The following ADK variants were observed in gnomAD, a reference collection of about 807,000 sequenced individuals.
The protein encoded by ADK is adenosine kinase.
ADK carries 24 observed loss-of-function variants against 44.7 expected under a neutral mutation model. The ratio of observed to expected loss-of-function variants is 0.54; its 90% CI spans 0.39 to 0.76. The LOEUF is 0.76. Ranked by LOEUF, ADK falls within the 30% of genes least tolerant of loss-of-function variation. ADK has a pLI of 0.00. For synonymous variants in ADK, 128 were observed against 142.6 expected (o/e 0.90, Z 0.73); for missense variants, 321 against 425.1 (o/e 0.76, Z 2.15).
intron 6 of ADK, among the ~76,000 whole-genome samples, chr10:74,494,396 ATAT>A (rs1409144914): frequency 6.6e-6 from 1 of 152,156 alleles, no homozygotes; most frequent in Non-Finnish European, 1.5e-5. Context: ...AGCATAAATA[ATAT>A]TATACAGATG....
intron 10 of ADK, among the ~76,000 whole-genome samples, chr10:74,701,652 A>G (rs976617001): frequency 2.3e-4 from 35 of 152,232 alleles, no homozygotes; most frequent in African/African-American, 8.4e-4. Flanking sequence ...ATTGATTTAA[A>G]AAGAATTGTG....
intron 6 of ADK, among the ~76,000 whole-genome samples, chr10:74,500,447 AAC>A (rs1473225019): frequency 6.6e-6 from 1 of 152,150 alleles, no homozygotes; most frequent in Non-Finnish European, 1.5e-5. Context: ...GGCTTGGGAA[AAC>A]ACAGGTTGCT....
chr10:74,496,777 T>C (rs1847702497), intron 6 of ADK, among the ~76,000 whole-genome samples: 1 of 152,168 alleles, frequency 6.6e-6, no homozygotes, highest in South Asian at 2.1e-4. Context: ...CCAGAAATAC[T>C]ATCTTAAAAT....
At chr10:74,320,602 C>T (rs766649956) in intron 4 of ADK, among the ~76,000 whole-genome samples, 31 of 151,962 alleles carry the variant, frequency 2.0e-4, no homozygotes, top group Admixed American at 5.2e-4. Flanking sequence ...TTCTGGCATT[C>T]TCATAATTAA....
chr10:74,595,407 G>GATTCTCA lies in ADK; in HGVS notation c.763-4972_763-4971insATTCTCA, dbSNP rs371039424. ...TTTTTTTTTTTGGGGAGGGGGTTTG[G>GATTCTCA]CTTTGTCACGCCAGGCTGGAGTGCA... On this transcript the variant is annotated intron_variant, in intron 8 of 10. Coordinates refer to ENST00000539909, the MANE Select transcript of ADK (RefSeq NM_006721.4). 1.9e-5 allele frequency among the ~76,000 whole-genome samples: 2 copies of GATTCTCA among 107,806 alleles called. 1 individual carries two copies. Among genetic ancestry groups the GATTCTCA allele is most frequent in the Non-Finnish European group, 3.6e-5 (2 of 55,744 alleles). The allele number at this position is 107,806 out of a possible 152,430, so 70.7% of individuals were successfully genotyped here. A position where few individuals can be genotyped will look rare whatever the true frequency, so the allele number is the denominator to read the frequency against.
chr10:74,459,289 A>G (rs1433359003), intron 6 of ADK, among the ~76,000 whole-genome samples: 1 of 152,102 alleles, frequency 6.6e-6, no homozygotes, highest in African/African-American at 2.4e-5. Flanking sequence ...TCAAAAAAAA[A>G]AAAAATTTAT....
chr10:74,261,773 A>G (rs529215039), intron 3 of ADK, among the ~76,000 whole-genome samples: 60 of 151,534 alleles, frequency 4.0e-4, no homozygotes, highest in African/African-American at 1.3e-3. Context: ...TTCTCTTTGG[A>G]CATTCTTAGA....
chr10:74,365,534 G>A lies in ADK; in HGVS notation c.274-28607G>A, dbSNP rs1485959897. ...TTCATTCATCAATTGATGGACATTCGAGTTGTTTCTGCCTTTTGAATGCCT... is the reference window on the plus strand; with the variant it reads ...TTCATTCATCAATTGATGGACATTCAAGTTGTTTCTGCCTTTTGAATGCCT... On this transcript the variant is annotated intron_variant, in intron 4 of 10. Transcript: ENST00000539909. Among the ~76,000 whole-genome samples, 4 of 152,232 alleles carry A rather than the reference G, an allele frequency of 2.6e-5. No individual in the cohort carries two copies. The East Asian group carries it at 5.8e-4, about 22-fold the overall frequency.
At chr10:74,190,122 T>G (rs1338669325) in intron 1 of ADK, among the ~76,000 whole-genome samples, 1 of 152,230 alleles carries the variant, frequency 6.6e-6, no homozygotes, top group Non-Finnish European at 1.5e-5. Context: ...CTGGGGCATG[T>G]GGTAATTTTA....
chr10:74,541,800 C>CA (rs796857961), intron 7 of ADK, among the ~76,000 whole-genome samples: 1 of 134,568 alleles, frequency 7.4e-6, no homozygotes, highest in African/African-American at 2.8e-5. Flanking sequence ...ACACACCCCC[C>CA]CCCCCTAAAA....
At chr10:74,492,774 A>G (rs1847533882) in intron 6 of ADK, among the ~76,000 whole-genome samples, 1 of 152,016 alleles carries the variant, frequency 6.6e-6, no homozygotes, top group Non-Finnish European at 1.5e-5. Context: ...TATGGATATG[A>G]CCTATCCTTC....
intron 1 of ADK, among the ~76,000 whole-genome samples, chr10:74,174,121 G>A (rs377091258): frequency 1.3e-5 from 2 of 150,952 alleles, no homozygotes; most frequent in African/African-American, 4.9e-5. Context: ...TGGCCAACAC[G>A]GTGAAACCTT....
intron 7 of ADK, among the ~76,000 whole-genome samples, chr10:74,570,431 G>C (rs549786936): frequency 1.3e-5 from 2 of 152,162 alleles, no homozygotes; most frequent in South Asian, 4.1e-4. Context: ...CCATTTGTTT[G>C]TATCCTCTTT....
intron 2 of ADK, among the ~76,000 whole-genome samples, chr10:74,222,918 G>A (rs867929640): frequency 8.6e-5 from 13 of 151,832 alleles, no homozygotes; most frequent in Admixed American, 5.9e-4. Context: ...GCTAGATGAC[G>A]AGTTAGTGGG....
At chr10:74,359,579 A>T (rs888196916) in intron 4 of ADK, among the ~76,000 whole-genome samples, 1 of 152,024 alleles carries the variant, frequency 6.6e-6, no homozygotes, top group Admixed American at 6.5e-5. Context: ...GCATGGTAGC[A>T]TACACTTGTA....
chr10:74,463,475 G>T (rs1031912643), intron 6 of ADK, among the ~76,000 whole-genome samples: 1 of 152,202 alleles, frequency 6.6e-6, no homozygotes. Flanking sequence ...AATAGGGTTC[G>T]CACTCTAATG....
At chr10:74,368,161 G>T (rs895404315) in intron 4 of ADK, among the ~76,000 whole-genome samples, 2 of 152,206 alleles carry the variant, frequency 1.3e-5, no homozygotes, top group African/African-American at 4.8e-5. Context: ...AGAACCTGTT[G>T]TCTAGGTTGG....
chr10:74,340,990 A>C (rs993212713), intron 4 of ADK, among the ~76,000 whole-genome samples: 2 of 152,178 alleles, frequency 1.3e-5, no homozygotes, highest in African/African-American at 4.8e-5. Flanking sequence ...TATTAACTCT[A>C]TTCATTAGAC....
intron 1 of ADK, among the ~76,000 whole-genome samples, chr10:74,162,277 C>T (rs1841923279): frequency 6.6e-6 from 1 of 152,116 alleles, no homozygotes; most frequent in African/African-American, 2.4e-5. Flanking sequence ...CCTTGGCCTC[C>T]CAAAGTGCTG....
Sources: gnomAD v4.1 joint callset for allele counts (sites outside exome capture counted in the v4.1 genomes callset) on GRCh38, gnomAD v4.1.1 for gene constraint, MANE v1.5 for transcripts, NCBI Gene and HGNC (gene_info 2026-07-23, HGNC 2026-07-21) for gene names.